Variants in CDH12 observed in about 807,000 individuals in gnomAD.
The protein encoded by CDH12 is cadherin 12, also known as cadherin-12.
CDH12 carries 41 observed loss-of-function variants against 74.1 expected under a neutral mutation model. The observed-to-expected ratio is 0.55, with a 90% CI of 0.43 to 0.72. CDH12 has a LOEUF of 0.72. Among genes scored for constraint, CDH12 ranks in the 30% least tolerant of loss-of-function variants. CDH12 has a pLI of 0.00. For missense variants in CDH12, 945 were observed against 977.2 expected (o/e 0.97, Z 0.44); for synonymous variants, 399 against 355.0 (o/e 1.12, Z -1.39).
intron 1 of CDH12, among the ~76,000 whole-genome samples, chr5:22,553,074 GC>G (rs765126732): frequency 6.6e-6 from 1 of 151,938 alleles, no homozygotes; most frequent in Non-Finnish European, 1.5e-5. Flanking sequence ...TTAACTCCTT[GC>G]CTAAATAAAC....
chr5:21,943,645 A>T (rs1755441414), intron 6 of CDH12, among the ~76,000 whole-genome samples: 1 of 152,202 alleles, frequency 6.6e-6, no homozygotes, highest in Non-Finnish European at 1.5e-5. Flanking sequence ...CCTCTAAAGG[A>T]TGGCCTGAAT....
intron 5 of CDH12, among the ~76,000 whole-genome samples, chr5:22,028,791 C>T (rs2150170251): frequency 6.6e-6 from 1 of 152,244 alleles, no homozygotes; most frequent in African/African-American, 2.4e-5. Flanking sequence ...CAAAAAAGAG[C>T]CCGCATCATC....
intron 3 of CDH12, among the ~76,000 whole-genome samples, chr5:22,392,181 G>C (rs1663322): frequency 0.8 from 121,448 of 152,130 alleles, 48,638 homozygotes; most frequent in Non-Finnish European, 0.83. Context: ...ACATGAATGA[G>C]TAAGCTTCCT....
intron 5 of CDH12, among the ~76,000 whole-genome samples, chr5:21,999,832 A>G (rs959211868): frequency 5.9e-5 from 9 of 151,826 alleles, no homozygotes; most frequent in African/African-American, 9.7e-5. Flanking sequence ...TTTAAAATCA[A>G]CTGCCTGGGT....
At chr5:22,542,523 A>G (rs4144682) in intron 1 of CDH12, among the ~76,000 whole-genome samples, 8,556 of 152,252 alleles carry the variant, frequency 0.056, 354 homozygotes, top group East Asian at 0.19. Context: ...ATCAGTTTGT[A>G]TTTAAAGTAA....
intron 3 of CDH12, among the ~76,000 whole-genome samples, chr5:22,314,561 G>C (rs1738532634): frequency 6.6e-6 from 1 of 152,184 alleles, no homozygotes. Context: ...TGTTATTGAA[G>C]TCACTGAAGC....
chr5:21,895,617 A>T (rs536171304), intron 6 of CDH12, among the ~76,000 whole-genome samples: 1 of 152,318 alleles, frequency 6.6e-6, no homozygotes, highest in South Asian at 2.1e-4. Flanking sequence ...CTCAGGGCTC[A>T]GCTCAGCTGC....
At chr5:21,937,648 GC>G (rs1203463160) in intron 6 of CDH12, among the ~76,000 whole-genome samples, 1 of 152,140 alleles carries the variant, frequency 6.6e-6, no homozygotes, top group Non-Finnish European at 1.5e-5. Context: ...AAAGAGTTCA[GC>G]CCCAGACTCA....
At chr5:21,829,225 G>A (rs1464698621) in intron 8 of CDH12, among the ~76,000 whole-genome samples, 1 of 152,170 alleles carries the variant, frequency 6.6e-6, no homozygotes, top group Non-Finnish European at 1.5e-5. Flanking sequence ...AACCCAGGAG[G>A]CGGAGGCTGC....
chr5:22,221,724 G>A (rs1259189689), intron 3 of CDH12, among the ~76,000 whole-genome samples: 5 of 151,696 alleles, frequency 3.3e-5, no homozygotes, highest in Non-Finnish European at 5.9e-5. Context: ...ATTGATAGTG[G>A]TCAAAAACAA....
chr5:22,672,100 T>C (rs956525410), intron 1 of CDH12, among the ~76,000 whole-genome samples: 1 of 83,232 alleles, frequency 1.2e-5, no homozygotes, highest in Non-Finnish European at 2.1e-5. Flanking sequence ...ATATATAATA[T>C]ATTATTATAT....
chr5:22,194,889 A>C (rs1221562145), intron 4 of CDH12, among the ~76,000 whole-genome samples: 1 of 152,154 alleles, frequency 6.6e-6, no homozygotes, highest in African/African-American at 2.4e-5. Flanking sequence ...GAGGTCAGAG[A>C]GGGAAACACA....
intron 1 of CDH12, among the ~76,000 whole-genome samples, chr5:22,847,745 A>G (rs1737370864): frequency 6.6e-6 from 1 of 152,214 alleles, no homozygotes; most frequent in Non-Finnish European, 1.5e-5. Flanking sequence ...CATTATTAAA[A>G]TTAATGACAT....
At chr5:22,676,933 T>C (rs767202490) in intron 1 of CDH12, among the ~76,000 whole-genome samples, 3 of 152,200 alleles carry the variant, frequency 2.0e-5, no homozygotes, top group Non-Finnish European at 4.4e-5. Context: ...ATCAGTGGTA[T>C]GCTTAGCAAT....
intron 4 of CDH12, among the ~76,000 whole-genome samples, chr5:22,160,805 C>T (rs928680708): frequency 2.0e-5 from 3 of 152,144 alleles, no homozygotes; most frequent in Non-Finnish European, 4.4e-5. Flanking sequence ...TCCACCCTCA[C>T]GACTAATCAG....
intron 1 of CDH12, among the ~76,000 whole-genome samples, chr5:22,718,538 G>A (rs952595760): frequency 6.6e-6 from 1 of 152,170 alleles, no homozygotes; most frequent in African/African-American, 2.4e-5. Context: ...GGGCCACTGG[G>A]TAAGATCCTT....
At chr5:22,420,477 G>A (rs76714770) in intron 2 of CDH12, among the ~76,000 whole-genome samples, 2 of 152,108 alleles carry the variant, frequency 1.3e-5, no homozygotes, top group African/African-American at 4.8e-5. Flanking sequence ...AAGACTGGAT[G>A]ATTATAGATG....
intron 6 of CDH12, among the ~76,000 whole-genome samples, chr5:21,871,902 G>A (rs945130923): frequency 6.6e-6 from 1 of 152,046 alleles, no homozygotes. Context: ...TATTAGAAAA[G>A]GGAGGTTTTG....
chr5:22,081,058 C>T (rs915042185), intron 4 of CDH12, among the ~76,000 whole-genome samples: 3 of 152,148 alleles, frequency 2.0e-5, no homozygotes, highest in East Asian at 1.9e-4. Context: ...GGATTACAGG[C>T]GTGAGCCACC....
Sources: allele counts gnomAD v4.1 joint callset (sites outside exome capture counted in the v4.1 genomes callset), GRCh38; gene constraint gnomAD v4.1.1; transcripts MANE v1.5; gene names NCBI Gene and HGNC (gene_info 2026-07-23, HGNC 2026-07-21).